The following UROC1 variants were observed in gnomAD, a reference collection of about 807,000 sequenced individuals.
UROC1 encodes urocanate hydratase.
UROC1 carries 79 observed loss-of-function variants against 89.5 expected under a neutral mutation model. The observed-to-expected ratio is 0.88, with a 90% CI of 0.74 to 1.06. The LOEUF (loss-of-function observed/expected upper bound fraction) is 1.06, where lower values mean the gene tolerates loss of function less well. UROC1 is among the 50% of genes least tolerant of loss of function. UROC1 has a pLI of 0.00. For synonymous variants in UROC1, 361 were observed against 354.8 expected (o/e 1.02, Z -0.20); for missense variants, 885 against 907.8 (o/e 0.97, Z 0.32).
At chr3:126,509,765 G>T in intron 2 of UROC1, 87 bp from the exon 3 acceptor site, 1 of 1,261,772 alleles carries the variant, frequency 7.9e-7, no homozygotes, top group Non-Finnish European at 1.1e-6. Context: ...GGCCGCTCAG[G>T]CAAGGATAGC....
chr3:126,496,209 CACT>C (rs1336113560), intron 14 of UROC1, 101 bp from the exon 15 acceptor site: 6 of 1,214,162 alleles, frequency 4.9e-6, no homozygotes, highest in Non-Finnish European at 1.2e-6. Flanking sequence ...CCGAGCCCAC[CACT>C]GAGCTAGGAC....
At chr3:126,490,535 A>G (rs576061321) in intron 16 of UROC1, among the ~76,000 whole-genome samples, 8 of 152,242 alleles carry the variant, frequency 5.3e-5, no homozygotes, top group Non-Finnish European at 8.8e-5. Context: ...AAATACCTAA[A>G]TTAGCCAGGT....
At chr3:126,492,159 G>A (rs189101022) in intron 16 of UROC1, among the ~76,000 whole-genome samples, 3 of 152,078 alleles carry the variant, frequency 2.0e-5, no homozygotes, top group Admixed American at 2.0e-4. Context: ...CTACTCAGCT[G>A]GTCCCAGGGA....
rs1346757422 is a variant in UROC1, at chr3:126,510,700, AT to A, written c.220del (p.Ile74SerfsTer12). 6.2e-7 allele frequency: 1 copy of A among 1,614,034 alleles called. No homozygotes were observed. The highest frequency in any genetic ancestry group is 1.3e-5 in the African/African-American group (1 of 74,928). ...GTCGGGGCAAAACCGGTACATGTAGATGTGTCCGTACAGTTGCAGCTCCTGG... is the reference window on the plus strand; with the variant it reads ...GTCGGGGCAAAACCGGTACATGTAGAGTGTCCGTACAGTTGCAGCTCCTGG... ...FAQELQLYGH[I>X]YMYRFCPDIE... On this transcript the variant is annotated frameshift_variant, in exon 2 of 20. Coordinates refer to ENST00000290868, the MANE Select transcript of UROC1 (RefSeq NM_144639.3). LOFTEE classifies it high-confidence loss of function.
At chr3:126,498,023 C>T (rs1456695740) in intron 14 of UROC1, 28 bp downstream of exon 14, 1 of 1,613,698 alleles carries the variant, frequency 6.2e-7, no homozygotes, top group Non-Finnish European at 8.5e-7. Flanking sequence ...GGCCACCCAC[C>T]CATGGGCATC....
At chr3:126,501,736 T>C in intron 9 of UROC1, 2 of 1,557,232 alleles carry the variant, frequency 1.3e-6, no homozygotes, top group Admixed American at 1.8e-5. Flanking sequence ...AGTAGAGATA[T>C]CAAAAAGCAG....
Position 126,500,699 on chromosome 3 carries a change from C to T in UROC1, c.1141G>A (p.Glu381Lys). The T allele has an allele frequency of 1.2e-6, 2 of 1,614,142 alleles. No individual in the cohort carries two copies. Among genetic ancestry groups the T allele is most frequent in the Non-Finnish European group, 1.7e-6 (2 of 1,180,032 alleles). ...NPAVFKDLVQ[E>K]SLRRQVSAIN... ...ACCCCCAACTCCAAGTAGCACCTTT[C>T]CTGGACCAGGTCCTTGAACACAGCA... The change falls in exon 11 of 20, where the codon GAA becomes AAA. Residue 381 changes from glutamate to lysine, a missense_variant. Glu to Lys is a moderately conservative substitution (Grantham distance 56, BLOSUM62 1). Coordinates refer to ENST00000290868, the MANE Select transcript of UROC1 (RefSeq NM_144639.3).
chr3:126,513,135 GGTGTGTGTGTGT>G (rs56301013), intron 1 of UROC1, among the ~76,000 whole-genome samples: 7 of 147,900 alleles, frequency 4.7e-5, no homozygotes, highest in East Asian at 4.0e-4. Context: ...CACAGAGCAG[GGTGTGTGTGTGT>G]GTGTGTGTGT....
intron 6 of UROC1, among the ~76,000 whole-genome samples, chr3:126,506,660 T>C (rs1936067219): frequency 6.6e-6 from 1 of 152,206 alleles, no homozygotes. Context: ...TCTAACCACC[T>C]AAATTGCCAA....
chr3:126,490,670 A>C (rs2107535652), intron 16 of UROC1, among the ~76,000 whole-genome samples: 1 of 142,438 alleles, frequency 7.0e-6, no homozygotes, highest in Admixed American at 7.0e-5. Flanking sequence ...GTCTTTCTCC[A>C]AAAAAAAAAA....
chr3:126,501,388 AGGT>A, intron 9 of UROC1, 108 bp from the exon 10 acceptor site: 2 of 1,379,872 alleles, frequency 1.4e-6, no homozygotes, highest in Non-Finnish European at 2.0e-6. Context: ...AGGCCACCAG[AGGT>A]GTTGTGTGCA....
At chr3:126,507,181 G>A (rs968816556) in intron 6 of UROC1, among the ~76,000 whole-genome samples, 2 of 152,132 alleles carry the variant, frequency 1.3e-5, no homozygotes, top group East Asian at 1.9e-4. Context: ...GGCACTGGCC[G>A]CATTCTGTGC....
chr3:126,510,593 C>A, intron 2 of UROC1, 71 bp downstream of exon 2: 1 of 1,594,500 alleles, frequency 6.3e-7, no homozygotes. Flanking sequence ...TTGTTCCTGG[C>A]CCCCAGCACA....
At chr3:126,505,127 G>T (rs1576725845) in intron 8 of UROC1, among the ~76,000 whole-genome samples, 1 of 152,176 alleles carries the variant, frequency 6.6e-6, no homozygotes, top group South Asian at 2.1e-4. Context: ...AGCTTTCTGA[G>T]ACCTCAACAG....
At chr3:126,499,852 G>A (rs867345900) in intron 12 of UROC1, among the ~76,000 whole-genome samples, 6 of 152,338 alleles carry the variant, frequency 3.9e-5, no homozygotes, top group Middle Eastern at 3.4e-3. Flanking sequence ...TAAAGCACAT[G>A]GAGAAACTGA....
chr3:126,492,556 GC>G (rs1304201633), intron 15 of UROC1, 40 bp from the exon 16 acceptor site: 1 of 1,547,398 alleles, frequency 6.5e-7, no homozygotes, highest in Admixed American at 1.7e-5. Context: ...GCCAACATAG[GC>G]AGCAATAACA....
intron 1 of UROC1, 62 bp downstream of exon 1, chr3:126,517,532 C>A (rs1936355265): frequency 1.2e-6 from 2 of 1,611,456 alleles, no homozygotes; most frequent in African/African-American, 2.7e-5. Context: ...TGGGTGCTCA[C>A]TATGGACCAC....
Position 126,501,212 on chromosome 3 carries a change from A to G in UROC1, c.965+6T>C, listed in dbSNP as rs1290579285. ...AGCTGGCCATCAACTCCCAACCCCC[A>G]CTCACCAAAGAGCCACCACGTTGCC... On this transcript the variant is annotated splice_donor_region_variant and intron_variant, in intron 10 of 19. Coordinates refer to ENST00000290868, the MANE Select transcript of UROC1 (RefSeq NM_144639.3). 5.6e-6 allele frequency: 9 copies of G among 1,613,796 alleles called. No individual in the cohort carries two copies. Among genetic ancestry groups the G allele is most frequent in the Non-Finnish European group, 7.6e-6 (9 of 1,179,934 alleles).
chr3:126,483,128 G>A (rs1179917833), intron 19 of UROC1, among the ~76,000 whole-genome samples: 1 of 152,166 alleles, frequency 6.6e-6, no homozygotes, highest in African/African-American at 2.4e-5. Context: ...CAAGCTGTCT[G>A]AACTCCCGCC....
Sources: gnomAD v4.1 joint callset for allele counts (sites outside exome capture counted in the v4.1 genomes callset) on GRCh38, gnomAD v4.1.1 for gene constraint, MANE v1.5 for transcripts, NCBI Gene and HGNC (gene_info 2026-07-23, HGNC 2026-07-21) for gene names.